Variants in IL1RAPL2 observed in about 807,000 individuals in gnomAD.
IL1RAPL2 encodes the protein X-linked interleukin-1 receptor accessory protein-like 2.
IL1RAPL2 carries 3 observed loss-of-function variants against 44.1 expected under a neutral mutation model. The observed-to-expected ratio is 0.07, with a 90% CI of 0.03 to 0.18. The LOEUF (loss-of-function observed/expected upper bound fraction) is 0.18, where lower values mean the gene tolerates loss of function less well. IL1RAPL2 is among the 10% of genes least tolerant of loss of function. IL1RAPL2 has a pLI of 1.00. For missense variants in IL1RAPL2, 391 were observed against 496.4 expected (o/e 0.79, Z 2.02); for synonymous variants, 181 against 178.8 (o/e 1.01, Z -0.10).
Position 104,614,473 on chromosome X carries a change from G to A in IL1RAPL2, c.-19-44422G>A, listed in dbSNP as rs1024679156. Among the ~76,000 whole-genome samples, 3 of 111,881 alleles carry A rather than the reference G, an allele frequency of 2.7e-5. No homozygotes were observed. In the Admixed American group the frequency reaches 2.9e-4, roughly 11 times the overall value. On this transcript the variant is annotated intron_variant, in intron 1 of 10. Transcript: ENST00000372582. Reference sequence around the variant, plus strand: ...GTCAATCTTGGAGTATGTTCTGAGTGCATATGAGAAGAATGTATATTCTGA... The same window carrying A: ...GTCAATCTTGGAGTATGTTCTGAGTACATATGAGAAGAATGTATATTCTGA...
intron 6 of IL1RAPL2, among the ~76,000 whole-genome samples, chrX:105,705,453 C>A (rs1357208812): frequency 9.0e-6 from 1 of 110,764 alleles, no homozygotes; most frequent in African/African-American, 3.3e-5. Context: ...GAAGTAAATA[C>A]AAGACAGTGT....
At chrX:105,533,132 G>A (rs1266286751) in intron 6 of IL1RAPL2, among the ~76,000 whole-genome samples, 1 of 111,297 alleles carries the variant, frequency 9.0e-6, no homozygotes, top group African/African-American at 3.3e-5. Context: ...GGAGGTTGCA[G>A]TGAGCAGAGA....
intron 5 of IL1RAPL2, among the ~76,000 whole-genome samples, chrX:105,310,119 G>A (rs2034785430): frequency 9.0e-6 from 1 of 111,100 alleles, no homozygotes; most frequent in Non-Finnish European, 1.9e-5. Context: ...TTTATGAGCA[G>A]GTTTTTGGAG....
chrX:105,667,632 A>G (rs932103653), intron 6 of IL1RAPL2, among the ~76,000 whole-genome samples: 1 of 111,917 alleles, frequency 8.9e-6, no homozygotes, highest in African/African-American at 3.2e-5. Context: ...AACAGTTTGA[A>G]TAGATTGATG....
chrX:105,101,555 T>C (rs2032671114), intron 2 of IL1RAPL2, among the ~76,000 whole-genome samples: 2 of 111,915 alleles, frequency 1.8e-5, no homozygotes, highest in South Asian at 7.5e-4. Flanking sequence ...GTCTGGGCTG[T>C]TGCAAATGTA....
intron 6 of IL1RAPL2, among the ~76,000 whole-genome samples, chrX:105,644,782 C>G (rs2037594667): frequency 9.1e-6 from 1 of 110,204 alleles, no homozygotes; most frequent in Admixed American, 9.7e-5. Context: ...CCCAACAGGC[C>G]TCGGTGTGTG....
At chrX:105,468,012 A>G (rs192851278) in intron 5 of IL1RAPL2, among the ~76,000 whole-genome samples, 139 of 111,954 alleles carry the variant, frequency 1.2e-3, no homozygotes, top group Non-Finnish European at 2.4e-3. Context: ...AAGGCAATGT[A>G]TTATCTAGAG....
At chrX:105,766,916 A>C (rs1173382514) in intron 10 of IL1RAPL2, 48 bp from the exon 11 acceptor site, 2 of 933,044 alleles carry the variant, frequency 2.1e-6, no homozygotes, top group African/African-American at 3.9e-5. Flanking sequence ...TGCTTTAGAG[A>C]CTGGCAATGT....
intron 2 of IL1RAPL2, among the ~76,000 whole-genome samples, chrX:104,789,988 C>T (rs1302711050): frequency 8.9e-6 from 1 of 112,014 alleles, no homozygotes; most frequent in African/African-American, 3.2e-5. Context: ...ACTCATGTCA[C>T]CAGGAGGAGC....
chrX:104,959,444 G>A (rs1287197345), intron 2 of IL1RAPL2, among the ~76,000 whole-genome samples: 1 of 111,968 alleles, frequency 8.9e-6, no homozygotes, highest in Non-Finnish European at 1.9e-5. Context: ...GGGGCACCAA[G>A]TTTGCAGCAT....
intron 8 of IL1RAPL2, among the ~76,000 whole-genome samples, chrX:105,743,656 T>TCC (rs771929512): frequency 9.0e-6 from 1 of 111,474 alleles, no homozygotes; most frequent in Non-Finnish European, 1.9e-5. Context: ...CTTGTTTTCT[T>TCC]CCCCCCCACT....
intron 8 of IL1RAPL2, among the ~76,000 whole-genome samples, chrX:105,744,202 A>G (rs2038522028): frequency 8.9e-6 from 1 of 111,930 alleles, no homozygotes; most frequent in Non-Finnish European, 1.9e-5. Flanking sequence ...GTGATCCAAC[A>G]AAACCAATTT....
At chrX:105,732,037 T>C (rs1238954820) in intron 7 of IL1RAPL2, among the ~76,000 whole-genome samples, 1 of 111,706 alleles carries the variant, frequency 9.0e-6, no homozygotes, top group African/African-American at 3.2e-5. Flanking sequence ...ATTCTGTATA[T>C]GTAACAAAAT....
chrX:105,264,324 T>C (rs2034384520), intron 4 of IL1RAPL2, among the ~76,000 whole-genome samples: 1 of 111,503 alleles, frequency 9.0e-6, no homozygotes, highest in Admixed American at 9.6e-5. Flanking sequence ...GAACTGTGAG[T>C]CAATTAAGCC....
chrX:105,625,445 G>C (rs971789390), intron 6 of IL1RAPL2, among the ~76,000 whole-genome samples: 1 of 112,099 alleles, frequency 8.9e-6, no homozygotes, highest in Non-Finnish European at 1.9e-5. Flanking sequence ...TCTGCCTGTG[G>C]ATGTGGTCAC....
At position 104,970,498 on chromosome X, in the gene IL1RAPL2, A is replaced by C. The variant is rs764905850; in HGVS notation, c.83-224977A>C. Among the ~76,000 whole-genome samples the C allele has an allele frequency of 4.5e-5, 5 of 111,854 alleles. No homozygotes were observed. The South Asian group carries it at 1.9e-3, about 43-fold the overall frequency. ...CATGGGCAGTTCTGCAGTCATATCT[A>C]TACCCACTTTTAATTATGTGCAAAT... On this transcript the variant is annotated intron_variant, in intron 2 of 10. Coordinates refer to ENST00000372582, the MANE Select transcript of IL1RAPL2 (RefSeq NM_017416.2).
chrX:105,736,217 A>C (rs1347125288), intron 7 of IL1RAPL2, among the ~76,000 whole-genome samples: 1 of 111,527 alleles, frequency 9.0e-6, no homozygotes, highest in Non-Finnish European at 1.9e-5. Context: ...ACAAAGATCA[A>C]CTCAAGATGA....
chrX:104,807,813 C>T (rs1932933724), intron 2 of IL1RAPL2, among the ~76,000 whole-genome samples: 1 of 110,978 alleles, frequency 9.0e-6, no homozygotes, highest in Admixed American at 9.6e-5. Flanking sequence ...TTTTTTAAAG[C>T]AACTATGTAA....
At chrX:104,894,144 G>A (rs946387391) in intron 2 of IL1RAPL2, among the ~76,000 whole-genome samples, 9 of 111,927 alleles carry the variant, frequency 8.0e-5, no homozygotes, top group African/African-American at 2.6e-4. Flanking sequence ...AGTTTCTGCC[G>A]AGACATCCGC....
Sources: gnomAD v4.1 joint callset for allele counts (sites outside exome capture counted in the v4.1 genomes callset) on GRCh38, gnomAD v4.1.1 for gene constraint, MANE v1.5 for transcripts, NCBI Gene and HGNC (gene_info 2026-07-23, HGNC 2026-07-21) for gene names.